ENPEP: variants seen among roughly 807,000 people sequenced by gnomAD.
The protein encoded by ENPEP is glutamyl aminopeptidase, also known as AP-A.
A neutral mutation model predicts 114.5 loss-of-function variants in ENPEP; 103 were observed. The observed-to-expected ratio is 0.90, with a 90% CI of 0.77 to 1.06. ENPEP has a LOEUF of 1.06. Among genes scored for constraint, ENPEP ranks in the 50% least tolerant of loss-of-function variants. The pLI is 0.00. For missense variants in ENPEP, 1,196 were observed against 1,161.3 expected, an observed-to-expected ratio of 1.03 and a Z score of -0.43; for synonymous variants, 420 against 422.0, an observed-to-expected ratio of 1.00 and a Z score of 0.06.
Position 110,515,045 on chromosome 4 carries a change from GATT to G in ENPEP, c.1444-331_1444-329del, listed in dbSNP as rs550667579. ...ACTTTCCTCATTCATCAAAGAATGT[GATT>G]TTTTAGACTATTTCTCTTTCATTAA... On this transcript the variant is annotated intron_variant, in intron 7 of 19. Coordinates refer to ENST00000265162, the MANE Select transcript of ENPEP (RefSeq NM_001977.4). 1.8e-4 allele frequency among the ~76,000 whole-genome samples: 28 copies of G among 152,220 alleles called. No individual in the cohort carries two copies. The South Asian group carries it at 5.6e-3, about 30-fold the overall frequency.
At chr4:110,535,334 C>T (rs1726571895) in intron 11 of ENPEP, among the ~76,000 whole-genome samples, 1 of 152,114 alleles carries the variant, frequency 6.6e-6, no homozygotes, top group South Asian at 2.1e-4. Context: ...AATAGATTTA[C>T]TAAACATCTG....
Position 110,476,400 on chromosome 4 carries a change from A to T in ENPEP, c.-15A>T. On this transcript the variant is annotated 5_prime_UTR_variant, in exon 1 of 20. It removes the in-frame stop codon of an upstream open reading frame in the 5' UTR. Transcript: ENST00000265162. ...AACATCTTTTTATGTGTAACACTTGACTTTGGAAGCAAAAATGAACTTTGC... is the reference window on the plus strand; with the variant it reads ...AACATCTTTTTATGTGTAACACTTGTCTTTGGAAGCAAAAATGAACTTTGC... The T allele has an allele frequency of 6.6e-7, 1 of 1,511,072 alleles. No individual in the cohort carries two copies. The highest frequency in any genetic ancestry group is 1.4e-5 in the African/African-American group (1 of 71,710). 93.6% of individuals were successfully genotyped at this position (1,511,072 alleles called of 1,614,324 possible). A position where few individuals can be genotyped will look rare whatever the true frequency, so the allele number is the denominator to read the frequency against.
Position 110,515,455 on chromosome 4 carries a change from A to C in ENPEP, c.1509+13A>C, listed in dbSNP as rs752215235. ...AAAAGGATGTCAGGTATGATTTATT[A>C]CTTTTAGTGATATCAAAATTAAACT... On this transcript the variant is annotated intron_variant, in intron 8 of 19. Coordinates refer to ENST00000265162, the MANE Select transcript of ENPEP (RefSeq NM_001977.4). 41 of 1,575,866 alleles carry C rather than the reference A, an allele frequency of 2.6e-5. No homozygotes were observed. Among genetic ancestry groups the C allele is most frequent in the Non-Finnish European group, 5.2e-6 (6 of 1,159,530 alleles).
chr4:110,528,713 T>C (rs1330571967), intron 10 of ENPEP, among the ~76,000 whole-genome samples: 2 of 152,192 alleles, frequency 1.3e-5, no homozygotes, highest in Non-Finnish European at 2.9e-5. Context: ...GTCCACTCCA[T>C]GTAAACAGGC....
chr4:110,538,265 C>G (rs953726564), intron 11 of ENPEP, among the ~76,000 whole-genome samples: 2 of 152,280 alleles, frequency 1.3e-5, no homozygotes, highest in African/African-American at 4.8e-5. Context: ...TTTAGTGTAG[C>G]TGCCTTCAAA....
At chr4:110,513,371 A>G (rs376768438) in intron 6 of ENPEP, 44 bp from the exon 7 acceptor site, 14 of 1,578,888 alleles carry the variant, frequency 8.9e-6, no homozygotes, top group African/African-American at 6.8e-5. Flanking sequence ...ATAAACTAGT[A>G]TAAAGGAAAT....
chr4:110,503,576 C>A (rs1282233322), intron 3 of ENPEP, among the ~76,000 whole-genome samples: 1 of 152,054 alleles, frequency 6.6e-6, no homozygotes, highest in Admixed American at 6.6e-5. Context: ...GGTTAAGAAC[C>A]CTTGCTGTGG....
chr4:110,515,191 G>A (rs1465034724), intron 7 of ENPEP, among the ~76,000 whole-genome samples, 186 bp from the exon 8 acceptor site: 1 of 152,140 alleles, frequency 6.6e-6, no homozygotes, highest in Non-Finnish European at 1.5e-5. Context: ...TAGATGCATA[G>A]ATACAGGGAC....
chr4:110,544,880 G>A (rs528684076), intron 13 of ENPEP, among the ~76,000 whole-genome samples: 115 of 152,236 alleles, frequency 7.6e-4, no homozygotes, highest in Admixed American at 1.3e-3. Flanking sequence ...ATAAAATTGT[G>A]AAGAGCTGTG....
intron 13 of ENPEP, 24 bp from the exon 14 acceptor site, chr4:110,548,152 T>G (rs755905486): frequency 1.2e-5 from 14 of 1,188,096 alleles, no homozygotes; most frequent in African/African-American, 8.1e-5. Context: ...TTTTTTTTTT[T>G]TTTTTTTTTT....
intron 19 of ENPEP, among the ~76,000 whole-genome samples, chr4:110,560,660 A>G (rs1727646561): frequency 6.6e-6 from 1 of 152,194 alleles, no homozygotes; most frequent in African/African-American, 2.4e-5. Context: ...TCTCCTGTAA[A>G]TGTAACTCTG....
chr4:110,481,266 T>C (rs1724302576), intron 1 of ENPEP, among the ~76,000 whole-genome samples: 1 of 152,062 alleles, frequency 6.6e-6, no homozygotes. Flanking sequence ...ACTTTTTTTT[T>C]TTTAAAGAGA....
At chr4:110,505,987 T>A (rs1265328070) in intron 3 of ENPEP, among the ~76,000 whole-genome samples, 3 of 152,230 alleles carry the variant, frequency 2.0e-5, no homozygotes, top group African/African-American at 7.2e-5. Context: ...AAGTAGTGAC[T>A]TAGAGAATTG....
rs1279968497 is a variant in ENPEP, at chr4:110,564,764, A to G, written c.*3206A>G. ...GGTATGTGACTTGCTTTGGCCAGTG[A>G]AACAGAGTGAAAATGATGTATGTCA... On this transcript the variant is annotated 3_prime_UTR_variant, in exon 20 of 20. Transcript: ENST00000265162. 6.6e-6 allele frequency: 1 copy of G among 152,172 alleles called. No homozygotes were observed. Among genetic ancestry groups the G allele is most frequent in the African/African-American group, 2.4e-5 (1 of 41,450 alleles). 9.4% of individuals were successfully genotyped at this position (152,172 alleles called of 1,614,324 possible). A position where few individuals can be genotyped will look rare whatever the true frequency, so the allele number is the denominator to read the frequency against.
chr4:110,501,911 A>G (rs891795673), intron 3 of ENPEP, among the ~76,000 whole-genome samples: 1 of 152,228 alleles, frequency 6.6e-6, no homozygotes, highest in African/African-American at 2.4e-5. Flanking sequence ...CCAACAGTGT[A>G]TAAGTGTTCC....
intron 10 of ENPEP, among the ~76,000 whole-genome samples, chr4:110,527,417 T>G (rs1317057866): frequency 1.3e-5 from 2 of 152,138 alleles, no homozygotes; most frequent in Non-Finnish European, 2.9e-5. Flanking sequence ...AAAATTTGAC[T>G]ACTTAGACCA....
chr4:110,545,679 G>A (rs1727027648), intron 13 of ENPEP, among the ~76,000 whole-genome samples: 1 of 151,976 alleles, frequency 6.6e-6, no homozygotes, highest in African/African-American at 2.4e-5. Flanking sequence ...GATGTTTAAT[G>A]CTGATTTTTT....
intron 3 of ENPEP, among the ~76,000 whole-genome samples, chr4:110,500,685 C>T (rs1333894895): frequency 2.0e-5 from 3 of 152,114 alleles, no homozygotes; most frequent in African/African-American, 4.8e-5. Flanking sequence ...GTATGCATCC[C>T]TCCTCACTCC....
At chr4:110,537,153 G>A (rs1038154595) in intron 11 of ENPEP, among the ~76,000 whole-genome samples, 4 of 152,156 alleles carry the variant, frequency 2.6e-5, no homozygotes, top group Non-Finnish European at 5.9e-5. Context: ...GGTTGCTAAA[G>A]ACTTGGGTGG....
Sources: gnomAD v4.1 joint callset for allele counts (sites outside exome capture counted in the v4.1 genomes callset) on GRCh38, gnomAD v4.1.1 for gene constraint, MANE v1.5 for transcripts, NCBI Gene and HGNC (gene_info 2026-07-23, HGNC 2026-07-21) for gene names.